CRHBP: variants seen among roughly 807,000 people sequenced by gnomAD.
CRHBP encodes corticotropin releasing hormone binding protein.
Under a neutral mutation model 34.9 loss-of-function variants are expected in CRHBP, and 19 were observed. That is an observed-to-expected ratio of 0.55 (90% CI 0.38 to 0.80). CRHBP has a LOEUF of 0.80. Among genes scored for constraint, CRHBP ranks in the 30% least tolerant of loss-of-function variants. The pLI, the probability that CRHBP is intolerant of heterozygous loss-of-function variation, is 0.00. For synonymous variants in CRHBP, 154 were observed against 153.4 expected (o/e 1.00, Z -0.03); for missense variants, 328 against 409.2 (o/e 0.80, Z 1.71).
intron 3 of CRHBP, among the ~76,000 whole-genome samples, chr5:76,980,233 C>A (rs1033870151): frequency 2.6e-5 from 3 of 115,776 alleles, no homozygotes; most frequent in African/African-American, 1.1e-4. Context: ...CCAGCCTGGG[C>A]GACAGAGCGA....
In CRHBP at chr5:76,969,110, CCT is replaced by C. The variant is rs1352857910; in HGVS notation, c.*226_*227del. 10 of 428,460 alleles carry C rather than the reference CCT, an allele frequency of 2.3e-5. No homozygotes were observed. The highest frequency in any genetic ancestry group is 1.0e-4 in the African/African-American group (5 of 49,088). The allele number at this position is 428,460 out of a possible 1,614,324, so 26.5% of individuals were successfully genotyped here. On this transcript the variant is annotated 3_prime_UTR_variant, in exon 7 of 7. Transcript: ENST00000274368. ...AATGAACACATGGCAGAAAATAACC[CCT>C]GATTGGTAGGATCATAGTTCTAAAT...
intron 3 of CRHBP, among the ~76,000 whole-genome samples, chr5:76,977,958 G>T (rs1388293241): frequency 6.6e-6 from 1 of 152,222 alleles, no homozygotes; most frequent in East Asian, 1.9e-4. Context: ...CTGATGTGGA[G>T]AAAGTTTGAG....
chr5:76,953,979 C>G (rs768444167), intron 2 of CRHBP, 50 bp from the exon 3 acceptor site: 5 of 1,560,178 alleles, frequency 3.2e-6, no homozygotes, highest in Non-Finnish European at 4.3e-6. Flanking sequence ...GAGGACGGCG[C>G]TGCGGCGGCT....
chr5:76,962,029 C>T (rs1343087508), intron 5 of CRHBP, among the ~76,000 whole-genome samples: 3 of 152,200 alleles, frequency 2.0e-5, no homozygotes, highest in African/African-American at 4.8e-5. Context: ...GCTGGAATTA[C>T]AGGCGTGAGC....
chr5:76,953,625 C>T lies in CRHBP; in HGVS notation c.106C>T (p.Pro36Ser). The T allele has an allele frequency of 1.2e-6, 2 of 1,612,960 alleles. No individual in the cohort carries two copies. The highest frequency in any genetic ancestry group is 1.7e-6 in the Non-Finnish European group (2 of 1,179,608). ...LELREAADYD[P>S]FLLFSANLKR... is the part of the protein sequence containing the mutation. Reference sequence around the variant, plus strand: ...GCTGAGGGAAGCGGCGGACTACGATCCTTTCCTGCTCTTCAGCGCCAACCT... The same window carrying T: ...GCTGAGGGAAGCGGCGGACTACGATTCTTTCCTGCTCTTCAGCGCCAACCT... The change falls in exon 2 of 7, where the codon CCT becomes TCT. Residue 36 changes from proline to serine, a missense_variant. By Grantham distance (74) the Pro-to-Ser change is moderately conservative (BLOSUM62 -1). Around this residue, in one of 3 missense-constraint regions of CRHBP, gnomAD observed 173 missense variants for 172.2 expected, o/e 1.00. Coordinates refer to ENST00000274368, the MANE Select transcript of CRHBP (RefSeq NM_001882.4).
At chr5:76,976,232 A>C (rs1488334834) in intron 2 of CRHBP, 4 of 152,108 alleles carry the variant, frequency 2.6e-5, no homozygotes. Flanking sequence ...CAGGTAAATA[A>C]ATACTCCATT....
intron 5 of CRHBP, among the ~76,000 whole-genome samples, chr5:76,962,622 GAA>G (rs774799876): frequency 5.0e-5 from 6 of 120,578 alleles, no homozygotes; most frequent in African/African-American, 6.0e-5. Context: ...CTACAAAATT[GAA>G]AAAAAAAAAA....
intron 5 of CRHBP, among the ~76,000 whole-genome samples, chr5:76,960,192 C>A (rs111831924): frequency 6.6e-6 from 1 of 152,048 alleles, no homozygotes; most frequent in Non-Finnish European, 1.5e-5. Flanking sequence ...GATGGAGAGG[C>A]GCGGGGCTAC....
rs1046838813 is a variant in CRHBP at position 76,955,753 on chromosome 5, T to G, written c.434T>G (p.Leu145Arg). The G allele has an allele frequency of 6.2e-7, 1 of 1,614,128 alleles. No homozygotes were observed. The highest frequency in any genetic ancestry group is 2.2e-5 in the East Asian group (1 of 44,904). ...TACATAGATTTCTGTGAGAGTGGTC[T>G]TAGCAGGAGGAGCATCAGATCTTCC... ...ERYIDFCESG[L>R]SRRSIRSSQN... Residue 145 changes from leucine to arginine, a missense_variant, in exon 4 of 7, where the codon CTT becomes CGT. By Grantham distance (102) the Leu-to-Arg change is moderately radical (BLOSUM62 -2). Coordinates refer to ENST00000274368, the MANE Select transcript of CRHBP (RefSeq NM_001882.4).
At chr5:76,962,623 A>G (rs113614086) in intron 5 of CRHBP, among the ~76,000 whole-genome samples, 12 of 127,068 alleles carry the variant, frequency 9.4e-5, no homozygotes, top group South Asian at 2.4e-4. Context: ...TACAAAATTG[A>G]AAAAAAAAAA....
intron 3 of CRHBP, among the ~76,000 whole-genome samples, chr5:76,977,096 C>T (rs773429237): frequency 5.9e-5 from 9 of 152,136 alleles, no homozygotes; most frequent in Admixed American, 5.9e-4. Flanking sequence ...CCTTAGGGGA[C>T]ACTGACACGC....
chr5:76,953,335 C>G lies in CRHBP; in HGVS notation c.81+120C>G, dbSNP rs1745602020. The stretch of plus-strand genomic sequence containing the variant: ...CTGTTTCTTCCCTCTCTGCTGGATG[C>G]TGTCTTGCCCCTGGTTTCCCCTATC... On this transcript the variant is annotated intron_variant, in intron 1 of 6. Transcript: ENST00000274368. 3.1e-6 allele frequency: 3 copies of G among 969,280 alleles called. No homozygotes were observed. In the Admixed American group the frequency reaches 6.3e-5, roughly 20 times the overall value. 60.0% of individuals were successfully genotyped at this position (969,280 alleles called of 1,614,324 possible).
At chr5:76,957,457 G>A (rs551783146) in intron 4 of CRHBP, among the ~76,000 whole-genome samples, 1 of 152,256 alleles carries the variant, frequency 6.6e-6, no homozygotes, top group South Asian at 2.1e-4. Flanking sequence ...CACGATCTTG[G>A]CTCACTGCAA....
exon 3 of CRHBP, chr5:76,976,459 C>G (rs1450276743): frequency 6.6e-6 from 1 of 152,208 alleles, no homozygotes; most frequent in African/African-American, 2.4e-5. Flanking sequence ...AGATCTAGAC[C>G]TATAAGTATA....
chr5:76,954,626 C>T (rs183104507), intron 3 of CRHBP, among the ~76,000 whole-genome samples: 1 of 152,310 alleles, frequency 6.6e-6, no homozygotes, highest in African/African-American at 2.4e-5. Context: ...CATCTGAGCC[C>T]GCCTCGCTCC....
intron 5 of CRHBP, among the ~76,000 whole-genome samples, chr5:76,961,605 C>A (rs756887044): frequency 2.6e-5 from 4 of 152,196 alleles, no homozygotes; most frequent in Non-Finnish European, 5.9e-5. Context: ...AAGCATCAAA[C>A]CCAGTACATA....
chr5:76,969,043 A>G lies in CRHBP; in HGVS notation c.*158A>G, dbSNP rs1745906055. 1 of 697,524 alleles carries G rather than the reference A, an allele frequency of 1.4e-6. No individual in the cohort carries two copies. The highest frequency in any genetic ancestry group is 3.8e-5 in the Admixed American group (1 of 26,432). 43.2% of individuals were successfully genotyped at this position (697,524 alleles called of 1,614,324 possible). Reference sequence around the variant, plus strand: ...CACACACACACACATACACACACGCATTAATTTTTGTACTTTGCTTCTTTT... The same window carrying G: ...CACACACACACACATACACACACGCGTTAATTTTTGTACTTTGCTTCTTTT... On this transcript the variant is annotated 3_prime_UTR_variant, in exon 7 of 7. Coordinates refer to ENST00000274368, the MANE Select transcript of CRHBP (RefSeq NM_001882.4).
intron 6 of CRHBP, among the ~76,000 whole-genome samples, chr5:76,964,017 C>T (rs1430369974): frequency 6.6e-6 from 1 of 152,066 alleles, no homozygotes; most frequent in Non-Finnish European, 1.5e-5. Context: ...AATCTAAAAG[C>T]GGTCACCAGT....
intron 3 of CRHBP, among the ~76,000 whole-genome samples, chr5:76,977,303 C>G (rs1461078489): frequency 6.6e-6 from 1 of 152,200 alleles, no homozygotes; most frequent in Non-Finnish European, 1.5e-5. Flanking sequence ...TATTGCACTT[C>G]ACTTTATTGG....
Sources: allele counts gnomAD v4.1 joint callset (sites outside exome capture counted in the v4.1 genomes callset), GRCh38; gene constraint gnomAD v4.1.1; regional missense constraint gnomAD v4.1.1; transcripts MANE v1.5; gene names NCBI Gene and HGNC (gene_info 2026-07-23, HGNC 2026-07-21).